Variants in AIG1 observed in about 807,000 individuals in gnomAD.
The protein encoded by AIG1 is androgen induced 1, also known as androgen-induced gene 1 protein.
A neutral mutation model predicts 31.4 loss-of-function variants in AIG1; 23 were observed. The ratio of observed to expected loss-of-function variants is 0.73; its 90% CI spans 0.53 to 1.04. AIG1 has a LOEUF of 1.04. Among genes scored for constraint, AIG1 ranks in the 50% least tolerant of loss-of-function variants. The probability of loss-of-function intolerance (pLI) is 0.00; values close to 1 mark genes in which losing one functional copy is unlikely to be tolerated. For missense variants in AIG1, 274 were observed against 295.0 expected (o/e 0.93, Z 0.52); for synonymous variants, 100 against 110.5 (o/e 0.90, Z 0.60).
intron 2 of AIG1, among the ~76,000 whole-genome samples, chr6:143,150,090 A>G (rs919885200): frequency 2.6e-5 from 4 of 152,230 alleles, no homozygotes; most frequent in Non-Finnish European, 5.9e-5. Flanking sequence ...TGCTTCATCA[A>G]GAGTGAATTT....
chr6:143,156,334 GAGTA>G (rs1421913048), intron 2 of AIG1, among the ~76,000 whole-genome samples: 1 of 45,188 alleles, frequency 2.2e-5, no homozygotes. Flanking sequence ...AAGAACCATG[GAGTA>G]TCTTCTTAAA....
chr6:143,288,570 A>G lies in AIG1; in HGVS notation c.515+4345A>G, dbSNP rs968254507. Among the ~76,000 whole-genome samples the G allele has an allele frequency of 2.6e-5, 4 of 152,228 alleles. No homozygotes were observed. The highest frequency in any genetic ancestry group is 9.7e-5 in the African/African-American group (4 of 41,446). Reference sequence around the variant, plus strand: ...TGGTTTTAAACAAATTCCATATTCCAAATCTCATTTCCCCAAATGTGTTCA... The same window carrying G: ...TGGTTTTAAACAAATTCCATATTCCGAATCTCATTTCCCCAAATGTGTTCA... On this transcript the variant is annotated intron_variant, in intron 4 of 5. Transcript: ENST00000357847. This position sits in a 1 kb window ranked among gnomAD's most constrained non-coding sequence, Gnocchi z 4.4.
rs1030480947 is a variant in AIG1 at position 143,330,524 on chromosome 6, C to T, written c.516-2758C>T. Among the ~76,000 whole-genome samples the T allele has an allele frequency of 3.0e-4, 46 of 151,562 alleles. No homozygotes were observed. The highest frequency in any genetic ancestry group is 1.1e-3 in the African/African-American group (46 of 41,174). ...GTTGATGGGCTGGAGTGGCGGGGAACGATGGGGAGAATAACAGGAGATTAA... is the reference window on the plus strand; with the variant it reads ...GTTGATGGGCTGGAGTGGCGGGGAATGATGGGGAGAATAACAGGAGATTAA... On this transcript the variant is annotated intron_variant, in intron 4 of 5. Transcript: ENST00000357847. This position sits in a 1 kb window ranked among gnomAD's most constrained non-coding sequence, Gnocchi z 4.4.
chr6:143,099,814 A>G (rs1365166452), intron 1 of AIG1, among the ~76,000 whole-genome samples: 1 of 152,190 alleles, frequency 6.6e-6, no homozygotes, highest in African/African-American at 2.4e-5. Flanking sequence ...CTGATTAGCC[A>G]ATTAGGAATT....
At chr6:143,263,275 G>GTTTTTTT (rs34950112) in intron 3 of AIG1, among the ~76,000 whole-genome samples, 1 of 146,566 alleles carries the variant, frequency 6.8e-6, no homozygotes, top group African/African-American at 2.5e-5. Context: ...TCCTTTATTT[G>GTTTTTTT]TTTTTTTTTT....
intron 2 of AIG1, among the ~76,000 whole-genome samples, chr6:143,164,584 T>C (rs1445706911): frequency 6.6e-6 from 1 of 152,222 alleles, no homozygotes; most frequent in African/African-American, 2.4e-5. Context: ...TTAGGAGATT[T>C]TATAGCAGTG....
intron 3 of AIG1, among the ~76,000 whole-genome samples, chr6:143,275,436 G>A: frequency 6.6e-6 from 1 of 152,082 alleles, no homozygotes; most frequent in East Asian, 1.9e-4. Context: ...TGAACCTATA[G>A]AGGAACGTCT....
At chr6:143,200,548 C>G (rs1202627320) in intron 3 of AIG1, among the ~76,000 whole-genome samples, 1 of 152,152 alleles carries the variant, frequency 6.6e-6, no homozygotes, top group Non-Finnish European at 1.5e-5. Context: ...TTCCATTCAT[C>G]TTTCAACCGA....
intron 3 of AIG1, among the ~76,000 whole-genome samples, chr6:143,181,206 AAAGT>A (rs1788685191): frequency 6.6e-6 from 1 of 152,206 alleles, no homozygotes; most frequent in Admixed American, 6.5e-5. Flanking sequence ...CACGTATTCT[AAAGT>A]AACTAAGATA....
At chr6:143,098,229 C>T (rs2128481325) in intron 1 of AIG1, among the ~76,000 whole-genome samples, 1 of 152,336 alleles carries the variant, frequency 6.6e-6, no homozygotes, top group South Asian at 2.1e-4. Context: ...TGAAGGAAGT[C>T]TAATCAAGGT....
chr6:143,248,207 A>T (rs752401062), intron 3 of AIG1, among the ~76,000 whole-genome samples: 6 of 152,230 alleles, frequency 3.9e-5, no homozygotes, highest in Admixed American at 3.9e-4. Flanking sequence ...CTACCAGTAC[A>T]TACCAATATC....
intron 3 of AIG1, among the ~76,000 whole-genome samples, chr6:143,217,575 C>T (rs1792126275): frequency 6.6e-6 from 1 of 152,054 alleles, no homozygotes; most frequent in African/African-American, 2.4e-5. Context: ...GTGGTGTGAT[C>T]TCTGCTCCCT....
At chr6:143,231,568 A>T (rs1793450007) in intron 3 of AIG1, among the ~76,000 whole-genome samples, 1 of 152,224 alleles carries the variant, frequency 6.6e-6, no homozygotes, top group Admixed American at 6.5e-5. Flanking sequence ...GCAGAAATAT[A>T]ATGCAAGCCA....
intron 4 of AIG1, among the ~76,000 whole-genome samples, chr6:143,301,477 T>A (rs1285830215): frequency 6.6e-6 from 1 of 152,202 alleles, no homozygotes; most frequent in Non-Finnish European, 1.5e-5. Context: ...GCTATGAAGA[T>A]ATATTCAAGA....
At chr6:143,113,687 G>A (rs1366378983) in intron 1 of AIG1, among the ~76,000 whole-genome samples, 1 of 152,050 alleles carries the variant, frequency 6.6e-6, no homozygotes, top group Non-Finnish European at 1.5e-5. Flanking sequence ...GAAACTTACT[G>A]GAACGACTTT....
rs35615915 is a variant in AIG1 at position 143,170,587 on chromosome 6, GTTT to G, written c.399+5415_399+5417del. ...TTGCTTATCTTTTCCAAAAAAACAAGTTTTTTTTTTTTTGTTGATCTTTTGAAA... is the reference window on the plus strand; with the variant it reads ...TTGCTTATCTTTTCCAAAAAAACAAGTTTTTTTTTTGTTGATCTTTTGAAA... On this transcript the variant is annotated intron_variant, in intron 3 of 5. Transcript: ENST00000357847. 1.1e-4 allele frequency among the ~76,000 whole-genome samples: 16 copies of G among 147,088 alleles called. No homozygotes were observed. The East Asian group carries it at 3.1e-3, about 29-fold the overall frequency.
At chr6:143,313,006 T>C (rs1317331160) in intron 4 of AIG1, among the ~76,000 whole-genome samples, 1 of 152,108 alleles carries the variant, frequency 6.6e-6, no homozygotes, top group African/African-American at 2.4e-5. Flanking sequence ...TACAGTGAGA[T>C]ACCATCTCAC....
intron 3 of AIG1, among the ~76,000 whole-genome samples, chr6:143,259,693 A>G (rs1795614584): frequency 6.6e-6 from 1 of 152,178 alleles, no homozygotes; most frequent in African/African-American, 2.4e-5. Flanking sequence ...ACGTACCCCC[A>G]AACTTAGTTC....
At chr6:143,147,228 G>C (rs1932959695) in intron 2 of AIG1, among the ~76,000 whole-genome samples, 1 of 152,180 alleles carries the variant, frequency 6.6e-6, no homozygotes. Flanking sequence ...GCCGCAGAGG[G>C]AGTGAAAGGA....
Sources: allele counts gnomAD v4.1 joint callset (sites outside exome capture counted in the v4.1 genomes callset), GRCh38; gene constraint gnomAD v4.1.1; non-coding constraint Gnocchi (gnomAD v3.1); transcripts MANE v1.5; gene names NCBI Gene and HGNC (gene_info 2026-07-23, HGNC 2026-07-21).